ST6GALNAC3: variants seen among roughly 807,000 people sequenced by gnomAD.
ST6GALNAC3 encodes ST6 N-acetylgalactosaminide alpha-2,6-sialyltransferase 3.
A neutral mutation model predicts 32.7 loss-of-function variants in ST6GALNAC3; 25 were observed. The ratio of observed to expected loss-of-function variants is 0.76; its 90% CI spans 0.56 to 1.07. The LOEUF (loss-of-function observed/expected upper bound fraction) is 1.07. Ranked by LOEUF, ST6GALNAC3 falls within the 50% of genes least tolerant of loss-of-function variation. The pLI is 0.00. For synonymous variants in ST6GALNAC3, 129 were observed against 133.1 expected, an observed-to-expected ratio of 0.97 and a Z score of 0.21; for missense variants, 355 against 382.4, an observed-to-expected ratio of 0.93 and a Z score of 0.60.
intron 3 of ST6GALNAC3, among the ~76,000 whole-genome samples, chr1:76,499,088 AAAG>A (rs1421776765): frequency 6.6e-6 from 1 of 152,200 alleles, no homozygotes; most frequent in East Asian, 1.9e-4. Flanking sequence ...CAAAATAGGC[AAAG>A]AAGGAAACAT....
chr1:76,374,163 TCTTCAAAAGGC>T (rs1651038810), intron 2 of ST6GALNAC3, among the ~76,000 whole-genome samples: 2 of 152,212 alleles, frequency 1.3e-5, no homozygotes, highest in African/African-American at 4.8e-5. Context: ...GGGCTTTTTA[TCTTCAAAAGGC>T]CTTGCAAACA....
At chr1:76,361,914 G>A (rs1183823380) in intron 2 of ST6GALNAC3, among the ~76,000 whole-genome samples, 1 of 150,422 alleles carries the variant, frequency 6.6e-6, no homozygotes, top group Non-Finnish European at 1.5e-5. Flanking sequence ...GGAGGTGAAG[G>A]TTGCAGTGCG....
At chr1:76,274,416 G>T (rs1243520965) in intron 1 of ST6GALNAC3, among the ~76,000 whole-genome samples, 2 of 152,036 alleles carry the variant, frequency 1.3e-5, no homozygotes, top group African/African-American at 4.8e-5. Context: ...TTATGACTTT[G>T]CCCCCAATCT....
At chr1:76,253,373 C>G (rs1175252743) in intron 1 of ST6GALNAC3, among the ~76,000 whole-genome samples, 1 of 152,106 alleles carries the variant, frequency 6.6e-6, no homozygotes, top group Non-Finnish European at 1.5e-5. Context: ...ATCACAATGT[C>G]TTTGGTTTGC....
At chr1:76,422,563 G>A (rs1007077819) in intron 3 of ST6GALNAC3, among the ~76,000 whole-genome samples, 1 of 151,978 alleles carries the variant, frequency 6.6e-6, no homozygotes, top group Non-Finnish European at 1.5e-5. Flanking sequence ...TCAAACGTGA[G>A]CTTGCATCAG....
chr1:76,615,049 T>A (rs1274519484), intron 3 of ST6GALNAC3, among the ~76,000 whole-genome samples: 2 of 152,028 alleles, frequency 1.3e-5, no homozygotes, highest in African/African-American at 2.4e-5. Context: ...TGACAGTAAA[T>A]CATTTTTCAG....
intron 1 of ST6GALNAC3, among the ~76,000 whole-genome samples, chr1:76,080,673 C>A (rs1027508161): frequency 4.0e-5 from 6 of 151,072 alleles, no homozygotes; most frequent in Admixed American, 2.6e-4. Flanking sequence ...CACCCACAAC[C>A]AAATGATTGT....
chr1:76,334,171 C>T (rs188770296), intron 2 of ST6GALNAC3, among the ~76,000 whole-genome samples: 32 of 152,292 alleles, frequency 2.1e-4, no homozygotes, highest in African/African-American at 7.5e-4. Context: ...AACTTGTCTG[C>T]ATTGTTATCA....
intron 1 of ST6GALNAC3, among the ~76,000 whole-genome samples, chr1:76,140,651 TTCTC>T (rs1160421022): frequency 2.0e-5 from 3 of 148,202 alleles, no homozygotes; most frequent in Non-Finnish European, 1.5e-5. Flanking sequence ...TTTTGACAGG[TTCTC>T]TCTCTGTTTT....
chr1:76,160,795 GCCCACAAA>G (rs1651756741), intron 1 of ST6GALNAC3, among the ~76,000 whole-genome samples: 1 of 152,148 alleles, frequency 6.6e-6, no homozygotes, highest in Non-Finnish European at 1.5e-5. Context: ...TTTCCTTGCA[GCCCACAAA>G]CAACATGTGG....
chr1:76,614,785 A>G (rs1351646535), intron 3 of ST6GALNAC3, among the ~76,000 whole-genome samples: 1 of 150,986 alleles, frequency 6.6e-6, no homozygotes, highest in Non-Finnish European at 1.5e-5. Context: ...AACTATGCCC[A>G]CAGGACAATA....
rs1661722960 is a variant in ST6GALNAC3 at position 76,509,785 on chromosome 1, C to T, written c.623+97368C>T. 6.6e-6 allele frequency among the ~76,000 whole-genome samples: 1 copy of T among 152,160 alleles called. No homozygotes were observed. Among genetic ancestry groups the T allele is most frequent in the African/African-American group, 2.4e-5 (1 of 41,438 alleles). On this transcript the variant is annotated intron_variant, in intron 3 of 4. Coordinates refer to ENST00000328299, the MANE Select transcript of ST6GALNAC3 (RefSeq NM_152996.4). This position sits in a 1 kb window ranked among gnomAD's most constrained non-coding sequence, Gnocchi z 5.5. ...CTCCACCAATTTCTGCTTCCATTCT[C>T]ACATATCTTTTCCTCACATTGCTGT...
chr1:76,378,731 A>T (rs150781199), intron 2 of ST6GALNAC3, among the ~76,000 whole-genome samples: 1 of 152,060 alleles, frequency 6.6e-6, no homozygotes, highest in African/African-American at 2.4e-5. Context: ...TCGTGGTATG[A>T]TGGCGCTTCA....
chr1:76,201,549 G>C (rs1359586749), intron 1 of ST6GALNAC3, among the ~76,000 whole-genome samples: 2 of 152,102 alleles, frequency 1.3e-5, no homozygotes, highest in Non-Finnish European at 2.9e-5. Context: ...CCTATGGCTA[G>C]ATGTCACTGA....
chr1:76,476,224 G>A (rs1430594682), intron 3 of ST6GALNAC3, among the ~76,000 whole-genome samples: 1 of 152,088 alleles, frequency 6.6e-6, no homozygotes, highest in Non-Finnish European at 1.5e-5. Context: ...AATGCAGAAG[G>A]CAAACTTTCT....
intron 1 of ST6GALNAC3, among the ~76,000 whole-genome samples, chr1:76,179,697 C>T (rs535162272): frequency 6.6e-6 from 1 of 152,308 alleles, no homozygotes; most frequent in African/African-American, 2.4e-5. Context: ...TAGCCAAAAG[C>T]CCAAGAAGCG....
At chr1:76,570,448 T>C (rs1052147920) in intron 3 of ST6GALNAC3, among the ~76,000 whole-genome samples, 3 of 151,990 alleles carry the variant, frequency 2.0e-5, no homozygotes, top group African/African-American at 7.2e-5. Context: ...CAATCCATCT[T>C]TTCTTTTTAA....
chr1:76,402,812 C>T lies in ST6GALNAC3; in HGVS notation c.214-9196C>T, dbSNP rs115596906. ...GTTGAAGTCCTTTCTTATAAAGTAA[C>T]CTGTTTCTTCTCTCATTCTTGATTC... On this transcript the variant is annotated intron_variant, in intron 2 of 4. Transcript: ENST00000328299. Among the ~76,000 whole-genome samples, 387 of 152,048 alleles carry T rather than the reference C, an allele frequency of 2.5e-3. 2 individuals carry two copies. The highest frequency in any genetic ancestry group is 8.6e-3 in the African/African-American group (358 of 41,504).
intron 3 of ST6GALNAC3, among the ~76,000 whole-genome samples, chr1:76,607,020 T>C (rs763329256): frequency 6.6e-6 from 1 of 152,196 alleles, no homozygotes; most frequent in Non-Finnish European, 1.5e-5. Flanking sequence ...GTTGCAGACC[T>C]GGGCCTCTCA....
Sources: gnomAD v4.1 joint callset for allele counts (sites outside exome capture counted in the v4.1 genomes callset) on GRCh38, gnomAD v4.1.1 for gene constraint, Gnocchi (gnomAD v3.1) non-coding constraint, MANE v1.5 for transcripts, NCBI Gene and HGNC (gene_info 2026-07-23, HGNC 2026-07-21) for gene names.